PGAP4: variants seen among roughly 807,000 people sequenced by gnomAD.
The protein encoded by PGAP4 is GPI-N-acetylgalactosamine transferase PGAP4.
In PGAP4, 12 loss-of-function variants were observed where a neutral mutation model predicts 28.2. The ratio of observed to expected loss-of-function variants is 0.42; its 90% confidence interval spans 0.27 to 0.69. The LOEUF (loss-of-function observed/expected upper bound fraction) is 0.69, where lower values mean the gene tolerates loss of function less well. Ranked by LOEUF, PGAP4 falls within the 30% of genes least tolerant of loss-of-function variation. The probability of loss-of-function intolerance (pLI) is 0.22; values close to 1 mark genes in which losing one functional copy is unlikely to be tolerated. For missense variants in PGAP4, 425 were observed against 513.5 expected, an observed-to-expected ratio of 0.83 and a Z score of 1.67; for synonymous variants, 205 against 211.8, an observed-to-expected ratio of 0.97 and a Z score of 0.28.
At chr9:101,500,247 A>G (rs1373136294) in intron 2 of PGAP4, among the ~76,000 whole-genome samples, 2 of 152,080 alleles carry the variant, frequency 1.3e-5, no homozygotes, top group African/African-American at 4.8e-5. Context: ...TGGTAATCCA[A>G]AGTCATGGTG....
At chr9:101,490,516 G>C (rs1356848706), upstream of PGAP4, among the ~76,000 whole-genome samples, 1 of 152,202 alleles carries the variant, frequency 6.6e-6, no homozygotes, top group Non-Finnish European at 1.5e-5. Context: ...CAAGATTTAG[G>C]TTCTTGGTGC....
chr9:101,490,672 G>A (rs1826679393), upstream of PGAP4, among the ~76,000 whole-genome samples: 1 of 152,144 alleles, frequency 6.6e-6, no homozygotes, highest in Admixed American at 6.6e-5. Flanking sequence ...TTTCCCATTG[G>A]TATTGTAATC....
intron 1 of PGAP4, among the ~76,000 whole-genome samples, chr9:101,480,266 G>A (rs1826444960): frequency 6.6e-6 from 1 of 152,162 alleles, no homozygotes; most frequent in South Asian, 2.1e-4. Context: ...TTTAATTCTT[G>A]TTCATAGTAC....
chr9:101,513,327 C>A lies in PGAP4; in HGVS notation c.-165+18021G>T, dbSNP rs1024674964. ...TCACCTAATCTTGTGATTCTTCCAA[C>A]CTTACAAAAGAGGAAAAAACAAAAA... is the stretch of plus-strand genomic sequence containing the variant. On this transcript the variant is annotated intron_variant, in intron 2 of 3. Coordinates refer to the PGAP4 transcript ENST00000374851. Among the ~76,000 whole-genome samples, 228 of 152,198 alleles carry A rather than the reference C, an allele frequency of 1.5e-3. 1 individual carries two copies. The highest frequency in any genetic ancestry group is 5.3e-3 in the African/African-American group (221 of 41,526).
At position 101,509,303 on chromosome 9, in the gene PGAP4, C is replaced by T. The variant is rs7862333; in HGVS notation, c.-164-20103G>A. On this transcript the variant is annotated intron_variant, in intron 2 of 3. Transcript: ENST00000374851. ...GAAATCCCCACGTTCACTAGTGGCC[C>T]CCATAATTTTAGTTTGGCTTTGAAT... Among the ~76,000 whole-genome samples the T allele has an allele frequency of 9.1e-3, 1,385 of 152,236 alleles. 31 individuals are homozygous for T. The highest frequency in any genetic ancestry group is 0.031 in the African/African-American group (1,304 of 41,544).
At position 101,476,440 on chromosome 9, in the gene PGAP4, T is replaced by C. The variant is rs772540440; in HGVS notation, c.653A>G (p.Glu218Gly). Residue 218 changes from glutamate to glycine, a missense_variant, in exon 2 of 2, where the codon GAG becomes GGG. Transcript: ENST00000374848. This position sits in a 1 kb window ranked among gnomAD's most constrained non-coding sequence, Gnocchi z 7.0. ...LMVEDDAVPE[E>G]QIFPVLEHLL... ...GTGCTCCAAGACTGGGAAGATCTGC[T>C]CTTCTGGTACAGCATCGTCTTCTAC... 6.2e-7 allele frequency: 1 copy of C among 1,614,048 alleles called. No homozygotes were observed. The highest frequency in any genetic ancestry group is 1.7e-5 in the Admixed American group (1 of 60,022).
At chr9:101,495,045 C>T (rs936562050) in intron 2 of PGAP4, among the ~76,000 whole-genome samples, 1 of 140,644 alleles carries the variant, frequency 7.1e-6, no homozygotes, top group South Asian at 2.2e-4. Context: ...TACCATATCC[C>T]TAAATGTAAC....
chr9:101,504,205 GTTTGTTTTTTT>G (rs1826828862), intron 2 of PGAP4, among the ~76,000 whole-genome samples: 1 of 34,550 alleles, frequency 2.9e-5, no homozygotes, highest in Non-Finnish European at 6.0e-5. Flanking sequence ...GTGTGTGTGT[GTTTGTTTTTTT>G]TTTTTTTTTT....
In PGAP4 at chr9:101,496,467, A is replaced by G. The variant is rs557234768; in HGVS notation, c.-164-7267T>C. 2.7e-4 allele frequency among the ~76,000 whole-genome samples: 41 copies of G among 151,620 alleles called. No homozygotes were observed. In the South Asian group the frequency reaches 7.9e-3, roughly 29 times the overall value. ...AGTAAGAGCAAATTAATATTTTAAG[A>G]AAACGTTATTGTTTCAATGTAGAAG... On this transcript the variant is annotated intron_variant, in intron 2 of 3. Transcript: ENST00000374851.
At position 101,473,620 on chromosome 9, in the gene PGAP4, C is replaced by T. The variant is rs1006373607; in HGVS notation, c.*2261G>A. Reference sequence around the variant, plus strand: ...ACTGGACAAGGAAGGATGGCCTTAGCCTTCCATAATGGAGAAGTCGGGCAG... The same window carrying T: ...ACTGGACAAGGAAGGATGGCCTTAGTCTTCCATAATGGAGAAGTCGGGCAG... On this transcript the variant is annotated 3_prime_UTR_variant, in exon 2 of 2. Transcript: ENST00000374848. The T allele has an allele frequency of 1.3e-5, 2 of 152,250 alleles. No individual in the cohort carries two copies. The highest frequency in any genetic ancestry group is 2.9e-5 in the Non-Finnish European group (2 of 68,068). The allele number at this position is 152,250 out of a possible 1,614,324, so 9.4% of individuals were successfully genotyped here. A position where few individuals can be genotyped will look rare whatever the true frequency, so the allele number is the denominator to read the frequency against.
At chr9:101,494,846 G>A (rs952825543) in intron 2 of PGAP4, among the ~76,000 whole-genome samples, 5 of 151,128 alleles carry the variant, frequency 3.3e-5, no homozygotes, top group African/African-American at 1.2e-4. Flanking sequence ...AAGATAACCA[G>A]AATCAGGACT....
At chr9:101,514,469 T>A (rs1826926005) in intron 2 of PGAP4, among the ~76,000 whole-genome samples, 1 of 152,174 alleles carries the variant, frequency 6.6e-6, no homozygotes, top group Non-Finnish European at 1.5e-5. Flanking sequence ...AGATTAAACA[T>A]CATTGTGGTC....
chr9:101,483,444 G>C (rs1024706240), intron 1 of PGAP4, among the ~76,000 whole-genome samples: 2 of 152,046 alleles, frequency 1.3e-5, no homozygotes, highest in African/African-American at 4.8e-5. Context: ...TTTTTAAGCA[G>C]GGTGGCAAAA....
intron 2 of PGAP4, among the ~76,000 whole-genome samples, chr9:101,517,436 G>A (rs978929683): frequency 2.6e-5 from 4 of 152,006 alleles, no homozygotes; most frequent in African/African-American, 9.7e-5. Context: ...GAGAAGAGAG[G>A]GAGAAGGAAA....
At chr9:101,481,935 C>T (rs1354599142) in intron 1 of PGAP4, among the ~76,000 whole-genome samples, 2 of 152,118 alleles carry the variant, frequency 1.3e-5, no homozygotes, top group Non-Finnish European at 2.9e-5. Context: ...TTCCCCTTGT[C>T]AAGCTTTCCT....
chr9:101,479,636 A>G (rs879481417), intron 1 of PGAP4, among the ~76,000 whole-genome samples: 12 of 152,210 alleles, frequency 7.9e-5, no homozygotes, highest in Non-Finnish European at 1.5e-4. Context: ...CAATCAGGAA[A>G]AGAGAGGGAT....
intron 1 of PGAP4, among the ~76,000 whole-genome samples, chr9:101,478,690 C>G (rs1259995534): frequency 6.6e-6 from 1 of 152,112 alleles, no homozygotes; most frequent in Non-Finnish European, 1.5e-5. Flanking sequence ...AATGGAGAGC[C>G]CTGGTGGATC....
At chr9:101,499,583 C>T (rs1038667685) in intron 2 of PGAP4, among the ~76,000 whole-genome samples, 1 of 151,990 alleles carries the variant, frequency 6.6e-6, no homozygotes, top group Admixed American at 6.6e-5. Context: ...CTGTAACAAG[C>T]GCAACACCAT....
upstream of PGAP4, chr9:101,533,686 G>A (rs910531159): frequency 6.6e-6 from 1 of 152,262 alleles, no homozygotes; most frequent in African/African-American, 2.4e-5. Context: ...AGCCAGGAGA[G>A]GGTCCCGCGC....
Sources: gnomAD v4.1 joint callset for allele counts (sites outside exome capture counted in the v4.1 genomes callset) on GRCh38, gnomAD v4.1.1 for gene constraint, Gnocchi (gnomAD v3.1) non-coding constraint, MANE v1.5 for transcripts, NCBI Gene and HGNC (gene_info 2026-07-23, HGNC 2026-07-21) for gene names.